The following NIPAL2 variants were observed in gnomAD, a reference collection of about 807,000 sequenced individuals.
The protein encoded by NIPAL2 is NIPA like domain containing 2.
In NIPAL2, 43 loss-of-function variants were observed where a neutral mutation model predicts 48.9. That is an observed-to-expected ratio of 0.88 (90% CI 0.69 to 1.13). The LOEUF is 1.13. Among genes scored for constraint, NIPAL2 ranks in the 50% most tolerant of loss-of-function variants. The pLI, the probability that NIPAL2 is intolerant of heterozygous loss-of-function variation, is 0.00. For missense variants in NIPAL2, 446 were observed against 461.4 expected, an observed-to-expected ratio of 0.97 and a Z score of 0.31; for synonymous variants, 167 against 174.6, an observed-to-expected ratio of 0.96 and a Z score of 0.34.
At chr8:98,256,333 A>T (rs1234400526) in intron 1 of NIPAL2, among the ~76,000 whole-genome samples, 1 of 152,182 alleles carries the variant, frequency 6.6e-6, no homozygotes, top group East Asian at 1.9e-4. Flanking sequence ...GAGATTAACA[A>T]CTTTTTGCAT....
Position 98,204,899 on chromosome 8 carries a change from A to G in NIPAL2, c.791+212T>C, listed in dbSNP as rs570189903. ...AGCTGGATTAAGGCTGCGCTTTAGA[A>G]CTCACAAGACATGAAGGCAACGCTT... On this transcript the variant is annotated intron_variant, in intron 7 of 10. Transcript: ENST00000430223. Among the ~76,000 whole-genome samples, 26 of 152,168 alleles carry G rather than the reference A, an allele frequency of 1.7e-4. No homozygotes were observed. In the South Asian group the frequency reaches 5.4e-3, roughly 32 times the overall value.
At chr8:98,284,897 T>C (rs1816069346) in intron 1 of NIPAL2, among the ~76,000 whole-genome samples, 1 of 152,060 alleles carries the variant, frequency 6.6e-6, no homozygotes, top group Non-Finnish European at 1.5e-5. Context: ...AGAAGCAAGA[T>C]AGAGACCAAG....
chr8:98,258,377 T>C (rs1444187230), intron 1 of NIPAL2, among the ~76,000 whole-genome samples: 2 of 152,228 alleles, frequency 1.3e-5, no homozygotes, highest in African/African-American at 2.4e-5. Context: ...CAAAATTTTA[T>C]ATTACTTATA....
At chr8:98,241,411 C>T (rs2443566) in intron 3 of NIPAL2, among the ~76,000 whole-genome samples, 133,605 of 152,264 alleles carry the variant, frequency 0.88, 58,923 homozygotes, top group Non-Finnish European at 0.9. Context: ...AGTCAGTACT[C>T]CCTCACATTG....
intron 10 of NIPAL2, among the ~76,000 whole-genome samples, chr8:98,193,730 G>A (rs1322230136): frequency 1.3e-5 from 2 of 151,548 alleles, no homozygotes; most frequent in African/African-American, 4.8e-5. Flanking sequence ...TTGAACCCGG[G>A]AGGGGGAGGC....
intron 8 of NIPAL2, among the ~76,000 whole-genome samples, chr8:98,197,357 G>T (rs1329862263): frequency 6.6e-6 from 1 of 152,200 alleles, no homozygotes; most frequent in East Asian, 1.9e-4. Flanking sequence ...GATCATCTGA[G>T]CTTGCAGTGA....
intron 5 of NIPAL2, among the ~76,000 whole-genome samples, chr8:98,216,782 C>G (rs971432108): frequency 1.1e-4 from 16 of 152,168 alleles, no homozygotes; most frequent in African/African-American, 3.6e-4. Flanking sequence ...TAGCCATGAC[C>G]AAGCCTGCCA....
chr8:98,270,705 G>C (rs1228853658), intron 1 of NIPAL2, among the ~76,000 whole-genome samples: 1 of 151,966 alleles, frequency 6.6e-6, no homozygotes, highest in Non-Finnish European at 1.5e-5. Context: ...AGCTTAATTA[G>C]GTCCCATCTG....
intron 7 of NIPAL2, among the ~76,000 whole-genome samples, chr8:98,203,846 C>CTGTGTGTCTGTG (rs1554560971): frequency 6.8e-6 from 1 of 146,726 alleles, no homozygotes; most frequent in African/African-American, 2.5e-5. Flanking sequence ...TGGGTAGAGC[C>CTGTGTGTCTGTG]TGTGTGTGTG....
chr8:98,227,987 G>C (rs1212037520), intron 4 of NIPAL2, among the ~76,000 whole-genome samples: 1 of 152,236 alleles, frequency 6.6e-6, no homozygotes, highest in Non-Finnish European at 1.5e-5. Flanking sequence ...TCCCTCTGTG[G>C]CCATCAGCTG....
At chr8:98,224,956 C>T (rs1007971520) in intron 4 of NIPAL2, among the ~76,000 whole-genome samples, 3 of 151,970 alleles carry the variant, frequency 2.0e-5, no homozygotes, top group Admixed American at 6.6e-5. Context: ...AGGGTTTCAC[C>T]ATGGTGGCCA....
chr8:98,233,117 G>C (rs1408432594), intron 4 of NIPAL2, among the ~76,000 whole-genome samples: 1 of 152,070 alleles, frequency 6.6e-6, no homozygotes, highest in Admixed American at 6.6e-5. Context: ...ATTTAGCTGG[G>C]CGTGGTGGTG....
intron 4 of NIPAL2, chr8:98,231,642 A>C (rs550931737): frequency 6.6e-6 from 1 of 152,256 alleles, no homozygotes; most frequent in Non-Finnish European, 1.5e-5. Flanking sequence ...TAAAATAATT[A>C]ATCCACTAAG....
intron 1 of NIPAL2, among the ~76,000 whole-genome samples, chr8:98,283,709 C>G (rs376223595): frequency 3.3e-5 from 5 of 152,324 alleles, no homozygotes; most frequent in Admixed American, 6.5e-5. Flanking sequence ...TGCTCTACCC[C>G]ACACCTGCCT....
intron 3 of NIPAL2, among the ~76,000 whole-genome samples, chr8:98,243,783 T>C (rs1267119673): frequency 6.7e-6 from 1 of 148,768 alleles, no homozygotes; most frequent in Non-Finnish European, 1.5e-5. Context: ...TTTTTACATG[T>C]CAGTTTAGAA....
At chr8:98,241,585 A>G (rs892825266) in intron 3 of NIPAL2, among the ~76,000 whole-genome samples, 3 of 152,314 alleles carry the variant, frequency 2.0e-5, no homozygotes, top group East Asian at 1.9e-4. Flanking sequence ...AAAGGTGTCA[A>G]TTGCAAAATT....
intron 1 of NIPAL2, among the ~76,000 whole-genome samples, chr8:98,280,780 A>T (rs1433209850): frequency 1.4e-5 from 2 of 142,090 alleles, no homozygotes; most frequent in African/African-American, 5.2e-5. Context: ...AGAGAGAGAG[A>T]GAGAGAGAGA....
chr8:98,262,127 A>C (rs1439485699), intron 1 of NIPAL2, among the ~76,000 whole-genome samples: 4 of 145,596 alleles, frequency 2.7e-5, no homozygotes, highest in Non-Finnish European at 6.1e-5. Context: ...TCCTGAAGGA[A>C]GCGCTAAACA....
At chr8:98,253,813 T>G (rs1213281435) in intron 2 of NIPAL2, among the ~76,000 whole-genome samples, 1 of 152,170 alleles carries the variant, frequency 6.6e-6, no homozygotes, top group East Asian at 1.9e-4. Context: ...ATTAATTTCT[T>G]TTAAAATCAG....
Sources: allele counts gnomAD v4.1 joint callset (sites outside exome capture counted in the v4.1 genomes callset), GRCh38; gene constraint gnomAD v4.1.1; transcripts MANE v1.5; gene names NCBI Gene and HGNC (gene_info 2026-07-23, HGNC 2026-07-21).